The following CCDC178 variants were observed in gnomAD, a reference collection of about 807,000 sequenced individuals.
The protein encoded by CCDC178 is coiled-coil domain-containing protein 178.
A neutral mutation model predicts 117.4 loss-of-function variants in CCDC178; 126 were observed. The ratio of observed to expected loss-of-function variants is 1.07; its 90% CI spans 0.93 to 1.24. CCDC178 has a LOEUF of 1.24. Ranked by LOEUF, CCDC178 falls within the 50% of genes most tolerant of loss-of-function variation. CCDC178 has a pLI of 0.00. For synonymous variants in CCDC178, 283 were observed against 313.4 expected, an observed-to-expected ratio of 0.90 and a Z score of 1.02; for missense variants, 1,030 against 986.9, an observed-to-expected ratio of 1.04 and a Z score of -0.59.
intron 20 of CCDC178, among the ~76,000 whole-genome samples, chr18:33,132,242 G>T (rs1250586813): frequency 6.6e-6 from 1 of 151,696 alleles, no homozygotes; most frequent in Non-Finnish European, 1.5e-5. Context: ...ATGAAAAAAA[G>T]TTAAGGTGAA....
chr18:33,073,543 C>A (rs920090728), intron 21 of CCDC178, among the ~76,000 whole-genome samples: 43 of 143,462 alleles, frequency 3.0e-4, no homozygotes, highest in Admixed American at 8.4e-4. Flanking sequence ...ATCTATCTAT[C>A]TATCTATCTA....
chr18:33,289,876 G>A lies in CCDC178; in HGVS notation c.1176+3283C>T, dbSNP rs182020835. ...CTAAACTGTTCAGGAAAAAGTTAAA[G>A]ATATTGAGTATGCTTAACATCTGTC... is the stretch of plus-strand genomic sequence containing the variant. On this transcript the variant is annotated intron_variant, in intron 12 of 22. Transcript: ENST00000383096. Among the ~76,000 whole-genome samples the A allele has an allele frequency of 1.8e-4, 27 of 152,208 alleles. 1 individual carries two copies. The highest frequency in any genetic ancestry group is 1.2e-3 in the Admixed American group (18 of 15,292).
At chr18:33,329,874 A>AGTGT (rs764565977) in intron 10 of CCDC178, among the ~76,000 whole-genome samples, 1,120 of 75,422 alleles carry the variant, frequency 0.015, 8 homozygotes, top group Middle Eastern at 0.026. Flanking sequence ...GAGAATTATT[A>AGTGT]GAGTGTGTGT....
chr18:33,103,649 A>C (rs973377076), intron 20 of CCDC178, among the ~76,000 whole-genome samples: 3 of 151,820 alleles, frequency 2.0e-5, no homozygotes, highest in East Asian at 3.9e-4. Flanking sequence ...TAACTTTGTA[A>C]AGAGTAGTCA....
chr18:33,338,256 G>C (rs2062768768), intron 9 of CCDC178, among the ~76,000 whole-genome samples: 1 of 152,116 alleles, frequency 6.6e-6, no homozygotes, highest in African/African-American at 2.4e-5. Context: ...AAACATTATA[G>C]ATGTTGGCAT....
intron 10 of CCDC178, among the ~76,000 whole-genome samples, chr18:33,330,572 TG>T (rs2062653866): frequency 6.6e-6 from 1 of 152,128 alleles, no homozygotes; most frequent in Non-Finnish European, 1.5e-5. Flanking sequence ...ATTGCATTAA[TG>T]GTGACCATAT....
At chr18:33,076,583 T>C (rs972258370) in intron 21 of CCDC178, among the ~76,000 whole-genome samples, 4 of 152,254 alleles carry the variant, frequency 2.6e-5, no homozygotes, top group African/African-American at 7.2e-5. Context: ...CTCCACACTT[T>C]GTGTGATATA....
At chr18:32,939,362 T>TTCTTATC (rs570762413) in intron 22 of CCDC178, among the ~76,000 whole-genome samples, 185 of 151,972 alleles carry the variant, frequency 1.2e-3, no homozygotes, top group Middle Eastern at 0.01. Flanking sequence ...GAATGAAACA[T>TTCTTATC]TGAAAAATCC....
intron 20 of CCDC178, among the ~76,000 whole-genome samples, chr18:33,189,293 CAGA>C (rs2058830378): frequency 6.6e-6 from 1 of 151,928 alleles, no homozygotes; most frequent in Non-Finnish European, 1.5e-5. Context: ...GTATAAGCAG[CAGA>C]AGAATAAAGT....
intron 21 of CCDC178, among the ~76,000 whole-genome samples, chr18:33,070,183 C>G (rs1257576050): frequency 6.6e-6 from 1 of 151,892 alleles, no homozygotes; most frequent in Non-Finnish European, 1.5e-5. Context: ...GGGTATTTAT[C>G]CAAAGGAAAA....
chr18:33,039,073 C>T (rs1489824726), intron 21 of CCDC178, among the ~76,000 whole-genome samples: 1 of 151,624 alleles, frequency 6.6e-6, no homozygotes, highest in African/African-American at 2.4e-5. Flanking sequence ...CAAAAATGAC[C>T]AGTTAAAAAA....
intron 20 of CCDC178, among the ~76,000 whole-genome samples, chr18:33,150,979 A>G: frequency 6.6e-6 from 1 of 152,210 alleles, no homozygotes; most frequent in East Asian, 1.9e-4. Flanking sequence ...CCATTATTCT[A>G]GGTGAAATAA....
intron 4 of CCDC178, among the ~76,000 whole-genome samples, chr18:33,394,602 A>C (rs976040987): frequency 1.3e-5 from 2 of 151,862 alleles, no homozygotes; most frequent in African/African-American, 2.4e-5. Context: ...AATGCTCATC[A>C]AAAAAACTTC....
At chr18:33,367,558 C>T (rs1461329652) in intron 6 of CCDC178, among the ~76,000 whole-genome samples, 2 of 151,734 alleles carry the variant, frequency 1.3e-5, no homozygotes, top group African/African-American at 2.4e-5. Context: ...ATCACTTTTT[C>T]CATGTGATAA....
At chr18:33,281,525 G>T (rs868558002) in intron 12 of CCDC178, among the ~76,000 whole-genome samples, 10 of 151,928 alleles carry the variant, frequency 6.6e-5, no homozygotes, top group Admixed American at 3.3e-4. Flanking sequence ...CAATTAAAGG[G>T]TGAACATAGT....
At chr18:32,962,864 T>C (rs2054734654) in intron 22 of CCDC178, among the ~76,000 whole-genome samples, 1 of 152,068 alleles carries the variant, frequency 6.6e-6, no homozygotes, top group Admixed American at 6.6e-5. Flanking sequence ...ATTAATACTA[T>C]ACAAAAAATA....
intron 20 of CCDC178, among the ~76,000 whole-genome samples, chr18:33,139,826 A>G (rs1014594185): frequency 6.6e-6 from 1 of 152,152 alleles, no homozygotes; most frequent in South Asian, 2.1e-4. Flanking sequence ...GAGAAGCCAA[A>G]TGTTAATCCC....
chr18:32,995,600 G>A (rs2055486417), intron 21 of CCDC178, among the ~76,000 whole-genome samples: 1 of 152,018 alleles, frequency 6.6e-6, no homozygotes, highest in African/African-American at 2.4e-5. Flanking sequence ...AAAAATATTA[G>A]TTGAATTAAT....
At chr18:33,384,665 A>T (rs2063474395) in intron 5 of CCDC178, among the ~76,000 whole-genome samples, 1 of 152,204 alleles carries the variant, frequency 6.6e-6, no homozygotes, top group Admixed American at 6.5e-5. Context: ...GCAACTGCTG[A>T]GGAATTTTGT....
Sources: allele counts gnomAD v4.1 joint callset (sites outside exome capture counted in the v4.1 genomes callset), GRCh38; gene constraint gnomAD v4.1.1; transcripts MANE v1.5; gene names NCBI Gene and HGNC (gene_info 2026-07-23, HGNC 2026-07-21).